Variants in HAVCR1 observed in about 807,000 individuals in gnomAD.
The protein encoded by HAVCR1 is hepatitis A virus cellular receptor 1, also known as T cell immunoglobin domain and mucin domain protein 1.
In HAVCR1, 34 loss-of-function variants were observed where a neutral mutation model predicts 32.0. The ratio of observed to expected loss-of-function variants is 1.06; its 90% CI spans 0.81 to 1.42. The LOEUF is 1.42. Ranked by LOEUF, HAVCR1 falls within the 40% of genes most tolerant of loss-of-function variation. HAVCR1 has a pLI of 0.00. For synonymous variants in HAVCR1, 178 were observed against 170.3 expected (o/e 1.05, Z -0.35); for missense variants, 420 against 442.3 (o/e 0.95, Z 0.45).
intron 6 of HAVCR1, among the ~76,000 whole-genome samples, chr5:157,040,567 A>G (rs1754828987): frequency 6.6e-6 from 1 of 152,230 alleles, no homozygotes; most frequent in South Asian, 2.1e-4. Context: ...TTTTTATACA[A>G]TGGCCACGTT....
chr5:157,052,103 C>T (rs73815911), intron 4 of HAVCR1, among the ~76,000 whole-genome samples: 3,019 of 152,270 alleles, frequency 0.02, 87 homozygotes, highest in African/African-American at 0.069. Context: ...ATCCGTGGTC[C>T]AGCTATTTTT....
the HAVCR1 span, among the ~76,000 whole-genome samples, chr5:157,065,888 GT>G: frequency 6.7e-6 from 1 of 149,608 alleles, no homozygotes; most frequent in Admixed American, 6.7e-5. Context: ...AAAAAAATTT[GT>G]TAAAGCTGAG....
chr5:157,034,310 G>A (rs1388283908), intron 7 of HAVCR1, among the ~76,000 whole-genome samples: 1 of 151,922 alleles, frequency 6.6e-6, no homozygotes, highest in Non-Finnish European at 1.5e-5. Context: ...GAAAGGTGCT[G>A]TGCCTCGATG....
chr5:157,039,798 T>C lies in HAVCR1; in HGVS notation c.838-2437A>G, dbSNP rs553111009. 7.9e-5 allele frequency among the ~76,000 whole-genome samples: 12 copies of C among 152,344 alleles called. No homozygotes were observed. The South Asian group carries it at 1.2e-3, about 16-fold the overall frequency. ...ACATTTTTATTTATTAGTTCAATTT[T>C]TTCCTTAAGATAGAGCCCAGGAAAG... On this transcript the variant is annotated intron_variant, in intron 6 of 8. Transcript: ENST00000523175.
intron 6 of HAVCR1, among the ~76,000 whole-genome samples, chr5:157,040,922 T>C (rs933538120): frequency 6.6e-6 from 1 of 151,728 alleles, no homozygotes; most frequent in Non-Finnish European, 1.5e-5. Context: ...AATAAATAAA[T>C]AATAAAAAAT....
intron 2 of HAVCR1, 61 bp from the exon 3 acceptor site, chr5:157,055,594 A>G: frequency 9.5e-7 from 1 of 1,056,474 alleles, no homozygotes; most frequent in Non-Finnish European, 1.4e-6. Flanking sequence ...GGCTGGGCAC[A>G]ATGGCTCACG....
intron 3 of HAVCR1, among the ~76,000 whole-genome samples, chr5:157,054,306 C>CT (rs1561602063): frequency 1.3e-5 from 2 of 151,924 alleles, no homozygotes; most frequent in African/African-American, 4.8e-5. Flanking sequence ...TCAAGACCAG[C>CT]CTGGCCAACA....
the HAVCR1 span, among the ~76,000 whole-genome samples, chr5:157,067,246 C>A: frequency 1.3e-5 from 2 of 152,164 alleles, no homozygotes; most frequent in Non-Finnish European, 2.9e-5. Context: ...CCATGTATTT[C>A]TCTAAAATCA....
At position 157,029,668 on chromosome 5, in the gene HAVCR1, T is replaced by C; in HGVS notation, c.*65A>G. ...GTCTTGGGGTCTAAAAGACGTCTGA[T>C]GTGCTGATGTCTGTTCAGTCTTCTG... On this transcript the variant is annotated 3_prime_UTR_variant, in exon 9 of 9. Transcript: ENST00000523175. 6.2e-7 allele frequency: 1 copy of C among 1,606,738 alleles called. No individual in the cohort carries two copies. The highest frequency in any genetic ancestry group is 1.1e-5 in the South Asian group (1 of 90,678).
intron 6 of HAVCR1, among the ~76,000 whole-genome samples, chr5:157,042,023 C>T (rs894413089): frequency 6.6e-6 from 1 of 152,014 alleles, no homozygotes; most frequent in Non-Finnish European, 1.5e-5. Flanking sequence ...CGCATCACTA[C>T]ACTCCAGCCT....
intron 3 of HAVCR1, among the ~76,000 whole-genome samples, chr5:157,054,153 C>T (rs775701842): frequency 9.8e-5 from 14 of 143,080 alleles, no homozygotes; most frequent in African/African-American, 2.7e-5. Context: ...CACCGCACTC[C>T]AGCCTGCTAC....
upstream of HAVCR1, among the ~76,000 whole-genome samples, chr5:157,061,153 T>C (rs549530865): frequency 6.6e-6 from 1 of 152,006 alleles, no homozygotes; most frequent in African/African-American, 2.4e-5. Flanking sequence ...TCATCTCAAC[T>C]TCCAAAAGTG....
At position 157,057,949 on chromosome 5, in the gene HAVCR1, G is replaced by C. The variant is rs377610762; in HGVS notation, c.-6C>G. On this transcript the variant is annotated 5_prime_UTR_variant, in exon 2 of 9. It adds an upstream start codon to the 5' untranslated region. Transcript: ENST00000523175. ...ATGACCACTTGAGGATGCATTATGG[G>C]ATCAGCCTGAAGGAAAATGAGCAGA... The C allele has an allele frequency of 1.1e-4, 182 of 1,612,588 alleles. No homozygotes were observed. The Middle Eastern group carries it at 1.5e-3, about 13-fold the overall frequency.
chr5:157,036,777 T>G (rs1754557244), intron 7 of HAVCR1, among the ~76,000 whole-genome samples: 1 of 152,174 alleles, frequency 6.6e-6, no homozygotes, highest in African/African-American at 2.4e-5. Context: ...GCTCAAGCAA[T>G]CCTCCTGCCT....
At chr5:157,031,794 CAAAAAAA>C (rs57821791) in intron 8 of HAVCR1, among the ~76,000 whole-genome samples, 4 of 106,540 alleles carry the variant, frequency 3.8e-5, no homozygotes, top group Non-Finnish European at 7.5e-5. Context: ...CTGGGTGTCT[CAAAAAAA>C]AAAAAAAAAA....
At chr5:157,048,612 C>G (rs1050452831) in intron 5 of HAVCR1, among the ~76,000 whole-genome samples, 1 of 152,100 alleles carries the variant, frequency 6.6e-6, no homozygotes, top group African/African-American at 2.4e-5. Context: ...GGGCAGATCA[C>G]GAGGTCAGGA....
chr5:157,042,920 T>C (rs1754998745), intron 5 of HAVCR1, among the ~76,000 whole-genome samples: 1 of 152,216 alleles, frequency 6.6e-6, no homozygotes, highest in Non-Finnish European at 1.5e-5. Context: ...TTGTTTTTTC[T>C]TTATTAAAAA....
chr5:157,045,645 C>G (rs1276065712), intron 5 of HAVCR1, among the ~76,000 whole-genome samples: 4 of 152,160 alleles, frequency 2.6e-5, no homozygotes, highest in African/African-American at 4.8e-5. Flanking sequence ...AAGAATTAAA[C>G]AAGATAATAT....
intron 6 of HAVCR1, among the ~76,000 whole-genome samples, chr5:157,042,317 C>T (rs993194692): frequency 1.3e-5 from 2 of 151,892 alleles, no homozygotes; most frequent in Non-Finnish European, 2.9e-5. Context: ...TGGCGGGCGC[C>T]TGTAGTCCCA....
Sources: gnomAD v4.1 joint callset for allele counts (sites outside exome capture counted in the v4.1 genomes callset) on GRCh38, gnomAD v4.1.1 for gene constraint, MANE v1.5 for transcripts, NCBI Gene and HGNC (gene_info 2026-07-23, HGNC 2026-07-21) for gene names.